Variants in ZC3H12C observed in about 807,000 individuals in gnomAD.
The protein encoded by ZC3H12C is probable ribonuclease ZC3H12C.
Under a neutral mutation model 76.3 loss-of-function variants are expected in ZC3H12C, and 20 were observed. That is an observed-to-expected ratio of 0.26 (90% CI 0.18 to 0.38). The LOEUF (loss-of-function observed/expected upper bound fraction) is 0.38. Among genes scored for constraint, ZC3H12C ranks in the 10% least tolerant of loss-of-function variants. The probability of loss-of-function intolerance (pLI) is 1.00; values close to 1 mark genes in which losing one functional copy is unlikely to be tolerated. For synonymous variants in ZC3H12C, 352 were observed against 399.6 expected (o/e 0.88, Z 1.42); for missense variants, 874 against 1,086.5 (o/e 0.80, Z 2.75).
intron 1 of ZC3H12C, among the ~76,000 whole-genome samples, chr11:110,099,465 T>C (rs1013536788): frequency 7.9e-5 from 12 of 152,120 alleles, no homozygotes; most frequent in African/African-American, 2.9e-4. Flanking sequence ...ATATTTTAAA[T>C]TATTAAGGGA....
At position 110,165,869 on chromosome 11, in the gene ZC3H12C, G is replaced by A; in HGVS notation, c.*132G>A. ...ATAGTATCCATTTATGTGAAATACT[G>A]TATCATGGAATCTGTATGTATAGCC... On this transcript the variant is annotated 3_prime_UTR_variant, in exon 6 of 6. Transcript: ENST00000278590. The A allele has an allele frequency of 1.2e-6, 1 of 863,020 alleles. No homozygotes were observed. The highest frequency in any genetic ancestry group is 1.7e-6 in the Non-Finnish European group (1 of 575,278). 53.5% of individuals were successfully genotyped at this position (863,020 alleles called of 1,614,324 possible). A position where few individuals can be genotyped will look rare whatever the true frequency, so the allele number is the denominator to read the frequency against.
intron 1 of ZC3H12C, among the ~76,000 whole-genome samples, chr11:110,100,039 A>G (rs918127236): frequency 6.6e-6 from 1 of 151,996 alleles, no homozygotes; most frequent in East Asian, 1.9e-4. Flanking sequence ...ATAGTACAAA[A>G]TGATAATGAT....
rs563261830 is a variant in ZC3H12C at position 110,167,315 on chromosome 11, C to A, written c.*1578C>A. 10 of 152,174 alleles carry A rather than the reference C, an allele frequency of 6.6e-5. No individual in the cohort carries two copies. The East Asian group carries it at 1.9e-3, about 29-fold the overall frequency. The allele number at this position is 152,174 out of a possible 1,614,324, so 9.4% of individuals were successfully genotyped here. ...ATAAGAACTATTTTGATTTGTAGAT[C>A]TAGTTAAAACACAAGTATGTAACTA... On this transcript the variant is annotated 3_prime_UTR_variant, in exon 6 of 6. Coordinates refer to ENST00000278590, the MANE Select transcript of ZC3H12C (RefSeq NM_033390.2).
rs375110698 is a variant in ZC3H12C at position 110,165,009 on chromosome 11, G to A, written c.1924G>A (p.Gly642Ser). ...CTGTGGGAGCAGTGACTCCTACGTG[G>A]GTTACAATGACCGGTCCTATGTCAG... The part of the protein sequence containing the change: ...MSCGSSDSYV[G>S]YNDRSYVSSP... The change falls in exon 6 of 6, where the codon GGT becomes AGT. Residue 642 changes from glycine to serine, a missense_variant. Coordinates refer to ENST00000278590, the MANE Select transcript of ZC3H12C (RefSeq NM_033390.2). The A allele has an allele frequency of 4.5e-5, 73 of 1,613,872 alleles. No individual in the cohort carries two copies. The highest frequency in any genetic ancestry group is 5.9e-5 in the Non-Finnish European group (70 of 1,179,896).
chr11:110,164,240 T>A lies in ZC3H12C; in HGVS notation c.1256-101T>A. ...GAGTGACACTTAGCACAGCTCCCATTTCTATCGTTGTCTCTTCTACAAGTT... is the reference window on the plus strand; with the variant it reads ...GAGTGACACTTAGCACAGCTCCCATATCTATCGTTGTCTCTTCTACAAGTT... On this transcript the variant is annotated intron_variant, in intron 5 of 5. Transcript: ENST00000278590. The surrounding 1 kb of genome is among the most constrained non-coding windows in gnomAD (Gnocchi z 5.7). The A allele has an allele frequency of 9.3e-7, 1 of 1,080,044 alleles. No homozygotes were observed. The highest frequency in any genetic ancestry group is 1.3e-6 in the Non-Finnish European group (1 of 772,426). The allele number at this position is 1,080,044 out of a possible 1,614,324, so 66.9% of individuals were successfully genotyped here.
At chr11:110,135,889 G>T (rs547899077) in intron 1 of ZC3H12C, 1 of 152,148 alleles carries the variant, frequency 6.6e-6, no homozygotes, top group South Asian at 2.1e-4. Context: ...CCTTTTCCTG[G>T]AATGAAATAG....
intron 1 of ZC3H12C, among the ~76,000 whole-genome samples, chr11:110,105,007 T>A (rs1380560385): frequency 6.6e-6 from 1 of 152,220 alleles, no homozygotes; most frequent in African/African-American, 2.4e-5. Context: ...ACTTTATGTC[T>A]TATAGGGTAA....
intron 1 of ZC3H12C, among the ~76,000 whole-genome samples, chr11:110,132,562 T>C (rs1039012848): frequency 5.3e-5 from 8 of 152,216 alleles, no homozygotes; most frequent in Non-Finnish European, 1.0e-4. Context: ...TTTATAATTA[T>C]AGAAATCTTC....
rs1862554392 is a variant in ZC3H12C, at chr11:110,165,113, C to T, written c.2028C>T (p.Phe676=). 6.2e-7 allele frequency: 1 copy of T among 1,613,670 alleles called. No individual in the cohort carries two copies. Among genetic ancestry groups the T allele is most frequent in the Non-Finnish European group, 8.5e-7 (1 of 1,179,892 alleles). ...HPHSRLNPQP[F]LQNFHDPLTR... ...ACAGCCGCCTTAATCCTCAACCGTTCCTGCAGAATTTCCACGACCCCTTAA... is the reference window on the plus strand; with the variant it reads ...ACAGCCGCCTTAATCCTCAACCGTTTCTGCAGAATTTCCACGACCCCTTAA... Residue 676 remains phenylalanine, a synonymous_variant, in exon 6 of 6, where the codon TTC becomes TTT. Coordinates refer to ENST00000278590, the MANE Select transcript of ZC3H12C (RefSeq NM_033390.2).
rs1292314787 is a variant in ZC3H12C, at chr11:110,171,178, A to G, written c.*5441A>G. ...AGCGTATGTTCCAAGGGAAAAAGGC[A>G]TTGAAAAGCAATCGTTTGTTTTTAT... On this transcript the variant is annotated 3_prime_UTR_variant, in exon 6 of 6. Transcript: ENST00000278590. 3 of 152,242 alleles carry G rather than the reference A, an allele frequency of 2.0e-5. No individual in the cohort carries two copies. The highest frequency in any genetic ancestry group is 7.2e-5 in the African/African-American group (3 of 41,470). 9.4% of individuals were successfully genotyped at this position (152,242 alleles called of 1,614,324 possible). A position where few individuals can be genotyped will look rare whatever the true frequency, so the allele number is the denominator to read the frequency against.
chr11:110,145,381 TTTG>T (rs1565263159), intron 2 of ZC3H12C, among the ~76,000 whole-genome samples: 2 of 152,136 alleles, frequency 1.3e-5, no homozygotes, highest in Non-Finnish European at 2.9e-5. Flanking sequence ...GAAGAATATG[TTTG>T]TTAAGATAAT....
intron 1 of ZC3H12C, among the ~76,000 whole-genome samples, chr11:110,115,563 A>G (rs11213272): frequency 0.018 from 2,772 of 152,022 alleles, 38 homozygotes; most frequent in Non-Finnish European, 0.03. Flanking sequence ...TTGGCCTCCC[A>G]AAGTGTTGGG....
intron 2 of ZC3H12C, among the ~76,000 whole-genome samples, chr11:110,145,424 G>C (rs1333814170): frequency 6.6e-6 from 1 of 152,182 alleles, no homozygotes; most frequent in Admixed American, 6.5e-5. Flanking sequence ...CTAATTTCCA[G>C]TTGTCTAGTT....
intron 3 of ZC3H12C, among the ~76,000 whole-genome samples, chr11:110,154,369 C>T (rs1236147972): frequency 1.3e-4 from 18 of 141,162 alleles, no homozygotes; most frequent in Admixed American, 1.3e-3. Flanking sequence ...GACCCCATCT[C>T]AAAAAAAAAA....
intron 1 of ZC3H12C, among the ~76,000 whole-genome samples, chr11:110,108,088 C>T (rs1235687391): frequency 6.6e-6 from 1 of 152,198 alleles, no homozygotes; most frequent in Non-Finnish European, 1.5e-5. Flanking sequence ...GCTGGGCCCA[C>T]AGATGCGTGC....
At chr11:110,154,825 C>A (rs1646809337) in intron 3 of ZC3H12C, among the ~76,000 whole-genome samples, 4 of 64,822 alleles carry the variant, frequency 6.2e-5, no homozygotes, top group East Asian at 6.3e-4. Flanking sequence ...AGAGCTCATA[C>A]AGCTTGATTA....
intron 1 of ZC3H12C, among the ~76,000 whole-genome samples, chr11:110,104,912 A>G (rs1200059154): frequency 6.6e-6 from 1 of 152,228 alleles, no homozygotes; most frequent in Non-Finnish European, 1.5e-5. Flanking sequence ...AATTGAAATA[A>G]TCAGATACAA....
At chr11:110,112,156 G>T (rs924922229) in intron 1 of ZC3H12C, among the ~76,000 whole-genome samples, 1 of 152,156 alleles carries the variant, frequency 6.6e-6, no homozygotes, top group Non-Finnish European at 1.5e-5. Context: ...AATTACCTTA[G>T]TCATGTAAGC....
rs547555844 is a variant in ZC3H12C at position 110,165,341 on chromosome 11, T to C, written c.2256T>C (p.Ser752=). The C allele has an allele frequency of 1.9e-6, 3 of 1,614,058 alleles. No homozygotes were observed. The South Asian group carries it at 3.3e-5, about 18-fold the overall frequency. ...TGGCCACGAGAATAGACAGCATCTC[T>C]GACTCTCGACTTTATGACAGTTCTC... ...SLVATRIDSI[S]DSRLYDSSPS... is the part of the protein sequence containing the mutation. The change falls in exon 6 of 6, where the codon TCT becomes TCC. Residue 752 remains serine, a synonymous_variant. Transcript: ENST00000278590.
Sources: gnomAD v4.1 joint callset for allele counts (sites outside exome capture counted in the v4.1 genomes callset) on GRCh38, gnomAD v4.1.1 for gene constraint, Gnocchi (gnomAD v3.1) non-coding constraint, MANE v1.5 for transcripts, NCBI Gene and HGNC (gene_info 2026-07-23, HGNC 2026-07-21) for gene names.